The following PRORP variants were observed in gnomAD, a reference collection of about 807,000 sequenced individuals.
The protein encoded by PRORP is mitochondrial ribonuclease P catalytic subunit.
PRORP carries 51 observed loss-of-function variants against 59.4 expected under a neutral mutation model. That is an observed-to-expected ratio of 0.86 (90% CI 0.69 to 1.08). The LOEUF (loss-of-function observed/expected upper bound fraction) is 1.08, where lower values mean the gene tolerates loss of function less well. Ranked by LOEUF, PRORP falls within the 50% of genes least tolerant of loss-of-function variation. The pLI, the probability that PRORP is intolerant of heterozygous loss-of-function variation, is 0.00. For missense variants in PRORP, 646 were observed against 690.3 expected, an observed-to-expected ratio of 0.94 and a Z score of 0.72; for synonymous variants, 231 against 245.6, an observed-to-expected ratio of 0.94 and a Z score of 0.55.
intron 5 of PRORP, among the ~76,000 whole-genome samples, chr14:35,227,858 A>T (rs1394561418): frequency 6.6e-6 from 1 of 152,164 alleles, no homozygotes; most frequent in Admixed American, 6.5e-5. Context: ...TTAAAGACTT[A>T]AATCAGCCGG....
At chr14:35,170,212 A>C (rs919254412) in intron 4 of PRORP, among the ~76,000 whole-genome samples, 1 of 152,228 alleles carries the variant, frequency 6.6e-6, no homozygotes, top group South Asian at 2.1e-4. Flanking sequence ...CATCTATTAT[A>C]GATAGCATTT....
intron 5 of PRORP, among the ~76,000 whole-genome samples, chr14:35,196,587 T>C (rs2049015213): frequency 3.3e-5 from 5 of 152,204 alleles, no homozygotes; most frequent in Admixed American, 3.3e-4. Flanking sequence ...TCAAGGGTGA[T>C]ATAAGTGACT....
chr14:35,169,812 T>C (rs2048271677), intron 4 of PRORP, among the ~76,000 whole-genome samples: 1 of 152,246 alleles, frequency 6.6e-6, no homozygotes, highest in South Asian at 2.1e-4. Flanking sequence ...TGAAAAGGAA[T>C]ACGTAGTCTG....
At chr14:35,207,797 TC>T (rs1375380587) in intron 5 of PRORP, among the ~76,000 whole-genome samples, 1 of 152,222 alleles carries the variant, frequency 6.6e-6, no homozygotes, top group Non-Finnish European at 1.5e-5. Context: ...GTTTCATTTT[TC>T]TGCTAAAATT....
chr14:35,176,554 G>A (rs111707019), intron 4 of PRORP, among the ~76,000 whole-genome samples: 3 of 152,112 alleles, frequency 2.0e-5, no homozygotes, highest in Admixed American at 2.0e-4. Context: ...TCTGTTATTG[G>A]TGTGTAAGAA....
At chr14:35,262,710 A>G (rs2050937132) in intron 5 of PRORP, 2 of 835,254 alleles carry the variant, frequency 2.4e-6, no homozygotes, top group South Asian at 2.6e-5. Flanking sequence ...CAAGGGTGTT[A>G]CACTGGGCTT....
At position 35,227,583 on chromosome 14, in the gene PRORP, A is replaced by G. The variant is rs183669485; in HGVS notation, c.1276-39144A>G. 3.3e-5 allele frequency among the ~76,000 whole-genome samples: 5 copies of G among 152,202 alleles called. No homozygotes were observed. The East Asian group carries it at 9.7e-4, about 29-fold the overall frequency. ...ATCTGAACCAGTCCTTTAGCTTTTA[A>G]TGTTCTTCTTCCTCTTCCATCCTGG... On this transcript the variant is annotated intron_variant, in intron 5 of 7. Transcript: ENST00000534898.
rs1306752806 is a variant in PRORP, at chr14:35,123,935, G to A, written c.690G>A (p.Leu230=). 3.1e-6 allele frequency: 5 copies of A among 1,613,998 alleles called. No individual in the cohort carries two copies. The highest frequency in any genetic ancestry group is 4.5e-5 in the East Asian group (2 of 44,880). ...LIHSDRWREA[L]LLLEDIKKVI... is the part of the protein sequence containing the mutation. ...ATTCAGACAGATGGAGAGAAGCATT[G>A]TTGCTGTTAGAGGACATCAAAAAAG... The change falls in exon 2 of 8, where the codon TTG becomes TTA. Residue 230 remains leucine, a synonymous_variant. Coordinates refer to ENST00000534898, the MANE Select transcript of PRORP (RefSeq NM_014672.4).
chr14:35,126,932 C>A (rs1161199995), intron 3 of PRORP, 150 bp downstream of exon 3: 4 of 643,160 alleles, frequency 6.2e-6, no homozygotes, highest in Non-Finnish European at 8.1e-6. Context: ...ACTTTGCATA[C>A]AGAGACTTAG....
intron 4 of PRORP, among the ~76,000 whole-genome samples, chr14:35,163,505 T>C (rs903169962): frequency 2.0e-5 from 3 of 152,198 alleles, no homozygotes; most frequent in Admixed American, 1.3e-4. Flanking sequence ...TCTGCATTTC[T>C]CTGATGATTA....
intron 5 of PRORP, among the ~76,000 whole-genome samples, chr14:35,190,103 G>A (rs573676910): frequency 5.0e-4 from 69 of 138,060 alleles, no homozygotes; most frequent in Non-Finnish European, 9.4e-4. Context: ...GTGAGACTCC[G>A]TCTTAAAAAA....
intron 5 of PRORP, among the ~76,000 whole-genome samples, chr14:35,259,820 G>A (rs192618270): frequency 2.0e-5 from 3 of 152,168 alleles, no homozygotes; most frequent in South Asian, 4.2e-4. Context: ...GCTTGAACCC[G>A]GGAGGCGGAA....
chr14:35,195,105 A>G (rs1340855945), intron 5 of PRORP, among the ~76,000 whole-genome samples: 1 of 152,138 alleles, frequency 6.6e-6, no homozygotes, highest in Non-Finnish European at 1.5e-5. Flanking sequence ...TTAATTATAG[A>G]TATTAGAAAA....
intron 4 of PRORP, among the ~76,000 whole-genome samples, chr14:35,165,798 G>A (rs906866008): frequency 6.6e-6 from 1 of 152,022 alleles, no homozygotes; most frequent in African/African-American, 2.4e-5. Context: ...TCCTGCCTCA[G>A]CCTCCTGAAT....
intron 4 of PRORP, among the ~76,000 whole-genome samples, chr14:35,128,953 T>C (rs2138788472): frequency 6.6e-6 from 1 of 152,140 alleles, no homozygotes; most frequent in South Asian, 2.1e-4. Context: ...TCCCAGCACT[T>C]TGGGAGACCA....
intron 4 of PRORP, among the ~76,000 whole-genome samples, chr14:35,130,120 C>T (rs2047202127): frequency 6.6e-6 from 1 of 151,370 alleles, no homozygotes; most frequent in South Asian, 2.1e-4. Flanking sequence ...AGCCTCTGCC[C>T]CCCAGGTTCA....
At chr14:35,260,715 T>C (rs2050880958) in intron 5 of PRORP, among the ~76,000 whole-genome samples, 1 of 152,280 alleles carries the variant, frequency 6.6e-6, no homozygotes, top group Non-Finnish European at 1.5e-5. Context: ...GTCTTTGTTC[T>C]GCCTCTGTAT....
chr14:35,126,690 A>G (rs1171836129), intron 2 of PRORP, 45 bp from the exon 3 acceptor site: 3 of 1,430,626 alleles, frequency 2.1e-6, no homozygotes, highest in African/African-American at 2.8e-5. Context: ...TCATTTCAGT[A>G]GGAATCTAAC....
intron 5 of PRORP, among the ~76,000 whole-genome samples, chr14:35,194,512 A>G (rs1463252874): frequency 6.6e-6 from 1 of 152,120 alleles, no homozygotes; most frequent in Admixed American, 6.6e-5. Context: ...GGAGGGGAGC[A>G]TCACACACCA....
Sources: gnomAD v4.1 joint callset for allele counts (sites outside exome capture counted in the v4.1 genomes callset) on GRCh38, gnomAD v4.1.1 for gene constraint, MANE v1.5 for transcripts, NCBI Gene and HGNC (gene_info 2026-07-23, HGNC 2026-07-21) for gene names.